Variants in RPS6KA5 observed in about 807,000 individuals in gnomAD.
RPS6KA5 encodes the protein ribosomal protein S6 kinase A5, also known as ribosomal protein S6 kinase alpha-5.
Under a neutral mutation model 85.5 loss-of-function variants are expected in RPS6KA5, and 27 were observed. The observed-to-expected ratio is 0.32, with a 90% CI of 0.23 to 0.44. The LOEUF is 0.44. Among genes scored for constraint, RPS6KA5 ranks in the 20% least tolerant of loss-of-function variants. RPS6KA5 has a pLI of 1.00. For synonymous variants in RPS6KA5, 334 were observed against 348.2 expected (o/e 0.96, Z 0.46); for missense variants, 811 against 980.9 (o/e 0.83, Z 2.31).
At chr14:90,999,712 C>A (rs2040698564) in intron 2 of RPS6KA5, among the ~76,000 whole-genome samples, 1 of 152,160 alleles carries the variant, frequency 6.6e-6, no homozygotes, top group South Asian at 2.1e-4. Flanking sequence ...GTGCCTTGTT[C>A]ATGAATTACT....
chr14:90,968,119 C>G (rs1226976879), intron 3 of RPS6KA5, among the ~76,000 whole-genome samples: 1 of 152,164 alleles, frequency 6.6e-6, no homozygotes, highest in African/African-American at 2.4e-5. Flanking sequence ...TCTTCTGGGG[C>G]TCCAGGGAAA....
chr14:91,015,517 A>G (rs1469049414), intron 1 of RPS6KA5, among the ~76,000 whole-genome samples: 2 of 152,208 alleles, frequency 1.3e-5, no homozygotes, highest in Non-Finnish European at 2.9e-5. Flanking sequence ...ATTTCCAAGG[A>G]TAAGATTTCA....
At chr14:90,951,936 C>T (rs552930339) in intron 3 of RPS6KA5, among the ~76,000 whole-genome samples, 1 of 152,186 alleles carries the variant, frequency 6.6e-6, no homozygotes, top group African/African-American at 2.4e-5. Context: ...GTGATTCTGA[C>T]CACCAAGATA....
intron 3 of RPS6KA5, among the ~76,000 whole-genome samples, chr14:90,951,120 A>G (rs1244013370): frequency 1.4e-5 from 2 of 139,174 alleles, no homozygotes; most frequent in Non-Finnish European, 3.0e-5. Flanking sequence ...CTCAGTCTCA[A>G]AAAAAAAAAA....
chr14:90,900,417 A>G (rs923250627), intron 10 of RPS6KA5, among the ~76,000 whole-genome samples, 176 bp from the exon 11 acceptor site: 5 of 152,198 alleles, frequency 3.3e-5, no homozygotes, highest in African/African-American at 9.6e-5. Context: ...ATTATTTAAG[A>G]TACATAATTC....
rs191575040 is a variant in RPS6KA5 at position 91,047,838 on chromosome 14, T to C, written c.103+12494A>G. Reference sequence around the variant, plus strand: ...GCTTCTAGAGGCTGTCTGCATTCCTTAGCTCATGGCCTCCCTTCCAGCAAT... The same window carrying C: ...GCTTCTAGAGGCTGTCTGCATTCCTCAGCTCATGGCCTCCCTTCCAGCAAT... On this transcript the variant is annotated intron_variant, in intron 1 of 16. Coordinates refer to ENST00000614987, the MANE Select transcript of RPS6KA5 (RefSeq NM_004755.4). Among the ~76,000 whole-genome samples the C allele has an allele frequency of 3.3e-5, 5 of 152,328 alleles. 1 individual carries two copies. The South Asian group carries it at 8.3e-4, about 25-fold the overall frequency.
At chr14:91,055,274 C>T (rs536825047) in intron 1 of RPS6KA5, among the ~76,000 whole-genome samples, 3 of 152,310 alleles carry the variant, frequency 2.0e-5, no homozygotes, top group South Asian at 4.1e-4. Flanking sequence ...AGCAGTTTTA[C>T]TGCTGTTACA....
chr14:90,857,229 T>C lies in RPS6KA5; in HGVS notation c.*14845A>G, dbSNP rs1195357731. On this transcript the variant is annotated 3_prime_UTR_variant, in exon 17 of 17. Coordinates refer to ENST00000614987, the MANE Select transcript of RPS6KA5 (RefSeq NM_004755.4). Reference sequence around the variant, plus strand: ...ATAACAAAGACAGGAATAGAATCCTTGATCTGACTATAATATTTTAACAGT... The same window carrying C: ...ATAACAAAGACAGGAATAGAATCCTCGATCTGACTATAATATTTTAACAGT... 3 of 152,216 alleles carry C rather than the reference T, an allele frequency of 2.0e-5. No individual in the cohort carries two copies. The highest frequency in any genetic ancestry group is 4.4e-5 in the Non-Finnish European group (3 of 68,036). The allele number at this position is 152,216 out of a possible 1,614,324, so 9.4% of individuals were successfully genotyped here. A position where few individuals can be genotyped will look rare whatever the true frequency, so the allele number is the denominator to read the frequency against.
chr14:90,872,127 C>T lies in RPS6KA5; in HGVS notation c.2356G>A (p.Ala786Thr). 1 of 1,613,446 alleles carries T rather than the reference C, an allele frequency of 6.2e-7. No homozygotes were observed. Among genetic ancestry groups the T allele is most frequent in the Non-Finnish European group, 8.5e-7 (1 of 1,179,828 alleles). The change falls in exon 17 of 17, where the codon GCC becomes ACC. Residue 786 changes from alanine to threonine, a missense_variant. Around this residue, in one of 3 missense-constraint regions of RPS6KA5, gnomAD observed 650 missense variants for 793.4 expected, o/e 0.82. Coordinates refer to ENST00000614987, the MANE Select transcript of RPS6KA5 (RefSeq NM_004755.4). The stretch of plus-strand genomic sequence containing the variant: ...AGGGTCTCCGGGTTATTGCTGTCGG[C>T]AGGATTGCTGGGCTGCAGTGTCTTG... ...PTKTLQPSNP[A>T]DSNNPETLFQ...
rs561461386 is a variant in RPS6KA5, at chr14:91,036,891, A to C, written c.103+23441T>G. On this transcript the variant is annotated intron_variant, in intron 1 of 16. Coordinates refer to ENST00000614987, the MANE Select transcript of RPS6KA5 (RefSeq NM_004755.4). ...CACCTGTACCTTCTGCTGGGTGGAC[A>C]GTGGAGACGCCTTGGAGCAGAAAGG... Among the ~76,000 whole-genome samples, 7 of 152,296 alleles carry C rather than the reference A, an allele frequency of 4.6e-5. No individual in the cohort carries two copies. In the East Asian group the frequency reaches 1.4e-3, roughly 29 times the overall value.
chr14:91,020,947 T>C (rs191497655), intron 1 of RPS6KA5, among the ~76,000 whole-genome samples: 5 of 152,256 alleles, frequency 3.3e-5, no homozygotes, highest in Admixed American at 3.3e-4. Context: ...TTAGGTGATG[T>C]GTGCTTTGCA....
chr14:90,929,306 A>C (rs1413300720), intron 5 of RPS6KA5, among the ~76,000 whole-genome samples: 1 of 152,122 alleles, frequency 6.6e-6, no homozygotes, highest in Non-Finnish European at 1.5e-5. Flanking sequence ...AGGTATGAGA[A>C]ATGAAAAGAA....
At chr14:91,053,187 C>G (rs1027154894) in intron 1 of RPS6KA5, among the ~76,000 whole-genome samples, 5 of 152,232 alleles carry the variant, frequency 3.3e-5, no homozygotes, top group Admixed American at 6.5e-5. Flanking sequence ...AACACCCAAA[C>G]TAGGAGGAGA....
intron 5 of RPS6KA5, among the ~76,000 whole-genome samples, chr14:90,935,075 T>A (rs569595334): frequency 3.0e-4 from 46 of 152,190 alleles, no homozygotes; most frequent in African/African-American, 1.1e-3. Context: ...ATAAAAAAAA[T>A]CATGACTACA....
At chr14:90,872,702 A>G (rs1044129975) in intron 16 of RPS6KA5, among the ~76,000 whole-genome samples, 1 of 152,184 alleles carries the variant, frequency 6.6e-6, no homozygotes, top group African/African-American at 2.4e-5. Context: ...TTCTGAACAC[A>G]AAGTCCCAAT....
At position 90,992,176 on chromosome 14, in the gene RPS6KA5, C is replaced by A. The variant is rs536367344; in HGVS notation, c.175+8912G>T. 3.4e-3 allele frequency among the ~76,000 whole-genome samples: 513 copies of A among 152,158 alleles called. 1 individual carries two copies. Among genetic ancestry groups the A allele is most frequent in the African/African-American group, 0.011 (468 of 41,514 alleles). ...ATAAAAATTGAGATTTTATTATATT[C>A]ATTATAAAAGCTTCCACCTACTCCA... On this transcript the variant is annotated intron_variant, in intron 2 of 16. Transcript: ENST00000614987.
chr14:90,974,037 CAAAAAAA>C (rs56212923), intron 3 of RPS6KA5, among the ~76,000 whole-genome samples: 9 of 61,444 alleles, frequency 1.5e-4, no homozygotes, highest in Non-Finnish European at 2.3e-4. Flanking sequence ...GACTCCATCT[CAAAAAAA>C]AAAAAAAAAA....
chr14:90,875,429 T>A (rs1002544379), intron 14 of RPS6KA5, 69 bp from the exon 15 acceptor site: 167 of 1,402,934 alleles, frequency 1.2e-4, no homozygotes, highest in Non-Finnish European at 1.6e-4. Flanking sequence ...ATAATCCTAA[T>A]AGTAACGTAA....
chr14:90,853,669 C>CAAAAAAAAAAAAA lies in RPS6KA5; in HGVS notation c.*18392_*18404dup, dbSNP rs370974013. 2 of 128,378 alleles carry CAAAAAAAAAAAAA rather than the reference C, an allele frequency of 1.6e-5. No individual in the cohort carries two copies. Among genetic ancestry groups the CAAAAAAAAAAAAA allele is most frequent in the Admixed American group, 8.7e-5 (1 of 11,478 alleles). The allele number at this position is 128,378 out of a possible 1,614,324, so 8.0% of individuals were successfully genotyped here. ...TGAAACCCCATCTCTACTAAAAATA[C>CAAAAAAAAAAAAA]AAAAAAAAAAAAAAAAACCCTAAAA... is the stretch of plus-strand genomic sequence containing the variant. On this transcript the variant is annotated 3_prime_UTR_variant, in exon 17 of 17. Transcript: ENST00000614987.
Sources: allele counts gnomAD v4.1 joint callset (sites outside exome capture counted in the v4.1 genomes callset), GRCh38; gene constraint gnomAD v4.1.1; regional missense constraint gnomAD v4.1.1; transcripts MANE v1.5; gene names NCBI Gene and HGNC (gene_info 2026-07-23, HGNC 2026-07-21).